The following RYR3 variants were observed in gnomAD, a reference collection of about 807,000 sequenced individuals.
RYR3 encodes ryanodine receptor 3.
RYR3 carries 207 observed loss-of-function variants against 584.3 expected under a neutral mutation model. The observed-to-expected ratio is 0.35, with a 90% CI of 0.32 to 0.40. The LOEUF (loss-of-function observed/expected upper bound fraction) is 0.40, where lower values mean the gene tolerates loss of function less well. Ranked by LOEUF, RYR3 falls within the 10% of genes least tolerant of loss-of-function variation. RYR3 has a pLI of 1.00. For synonymous variants in RYR3, 2,416 were observed against 2,248.5 expected (o/e 1.07, Z -2.11); for missense variants, 5,616 against 6,089.2 (o/e 0.92, Z 2.59).
At chr15:33,707,356 T>A (rs191210418) in intron 43 of RYR3, among the ~76,000 whole-genome samples, 42 of 152,206 alleles carry the variant, frequency 2.8e-4, no homozygotes, top group African/African-American at 9.1e-4. Context: ...GCCTTATGAA[T>A]ATCATCATTA....
chr15:33,834,790 G>A (rs910218987), intron 86 of RYR3, among the ~76,000 whole-genome samples, 178 bp from the exon 87 acceptor site: 1 of 152,178 alleles, frequency 6.6e-6, no homozygotes, highest in African/African-American at 2.4e-5. Context: ...CCTAGATATG[G>A]TATCCTATAA....
At chr15:33,677,595 C>CA in intron 38 of RYR3, among the ~76,000 whole-genome samples, 1 of 152,264 alleles carries the variant, frequency 6.6e-6, no homozygotes, top group East Asian at 1.9e-4. Flanking sequence ...GACTCTAGAG[C>CA]AGGACTGGCA....
At chr15:33,849,872 G>A (rs779927809) in intron 94 of RYR3, 4 of 152,146 alleles carry the variant, frequency 2.6e-5, no homozygotes, top group Non-Finnish European at 4.4e-5. Flanking sequence ...ATGTGAACAG[G>A]CACATCCTCA....
intron 1 of RYR3, among the ~76,000 whole-genome samples, chr15:33,347,990 T>C (rs1195347673): frequency 6.6e-6 from 1 of 152,102 alleles, no homozygotes; most frequent in Non-Finnish European, 1.5e-5. Flanking sequence ...CAAAGAAAGA[T>C]ATGTATGTAT....
intron 10 of RYR3, among the ~76,000 whole-genome samples, chr15:33,552,300 T>C (rs1362307201): frequency 6.6e-6 from 1 of 152,190 alleles, no homozygotes; most frequent in Non-Finnish European, 1.5e-5. Flanking sequence ...AGAGACCTTG[T>C]AACACTCCTT....
At chr15:33,334,844 A>C (rs891735621) in intron 1 of RYR3, among the ~76,000 whole-genome samples, 3 of 152,000 alleles carry the variant, frequency 2.0e-5, no homozygotes, top group Admixed American at 6.6e-5. Context: ...AAAAAAAAAA[A>C]CCCCATTAAA....
At chr15:33,426,868 G>A (rs547716560) in intron 1 of RYR3, among the ~76,000 whole-genome samples, 36 of 152,322 alleles carry the variant, frequency 2.4e-4, no homozygotes, top group East Asian at 1.5e-3. Context: ...CCTGTTCTGG[G>A]TTGCCGACTG....
intron 57 of RYR3, among the ~76,000 whole-genome samples, chr15:33,753,472 C>A (rs1017465940): frequency 6.6e-6 from 1 of 152,100 alleles, no homozygotes; most frequent in Non-Finnish European, 1.5e-5. Flanking sequence ...TGTTTTCTCC[C>A]TGGTCAAATG....
chr15:33,318,042 A>G (rs1047684008), intron 1 of RYR3, among the ~76,000 whole-genome samples: 2 of 152,250 alleles, frequency 1.3e-5, no homozygotes, highest in African/African-American at 2.4e-5. Context: ...AAATCAGATT[A>G]CAAAGAGATT....
At chr15:33,374,224 T>G (rs1238046879) in intron 1 of RYR3, among the ~76,000 whole-genome samples, 1 of 152,188 alleles carries the variant, frequency 6.6e-6, no homozygotes, top group Non-Finnish European at 1.5e-5. Flanking sequence ...CTCTGAGTAA[T>G]GGAGTATCAA....
At position 33,425,544 on chromosome 15, in the gene RYR3, C is replaced by A. The variant is rs1239483970; in HGVS notation, c.52-47875C>A. ...CAATAGGTAGCAATTCAGAAGTAAACACCAACAAAATAACCCTGTGTTGTC... is the reference window on the plus strand; with the variant it reads ...CAATAGGTAGCAATTCAGAAGTAAAAACCAACAAAATAACCCTGTGTTGTC... On this transcript the variant is annotated intron_variant, in intron 1 of 103. Transcript: ENST00000634891. 1.3e-5 allele frequency among the ~76,000 whole-genome samples: 2 copies of A among 152,066 alleles called. 1 individual carries two copies. Among genetic ancestry groups the A allele is most frequent in the South Asian group, 4.2e-4 (2 of 4,816 alleles).
chr15:33,602,792 C>T (rs1194297931), intron 17 of RYR3, among the ~76,000 whole-genome samples: 1 of 121,994 alleles, frequency 8.2e-6, no homozygotes, highest in Non-Finnish European at 1.6e-5. Context: ...GCTGCCCAGG[C>T]TGGAGTGCGG....
rs142108245 is a variant in RYR3 at position 33,841,994 on chromosome 15, A to G, written c.13168A>G (p.Asn4390Asp). 6.7e-4 allele frequency: 1,076 copies of G among 1,603,500 alleles called. 16 individuals carry two copies. The East Asian group carries it at 0.02, about 30-fold the overall frequency. ...KVEKPEAFTA[N>D]FFKGLEIYQT... ...TGAGAAGCCGGAAGCTTTCACAGCC[A>G]ATTTCTTTAAAGGGCTGGAAATCTA... Residue 4390 changes from asparagine (N) to aspartate (D), a missense_variant, in exon 91 of 104, where the codon AAT becomes GAT. Around this residue, in one of 9 missense-constraint regions of RYR3, gnomAD observed 918 missense variants for 887.4 expected, o/e 1.03. Coordinates refer to ENST00000634891, the MANE Select transcript of RYR3 (RefSeq NM_001036.6).
chr15:33,704,923 G>T (rs1413657820), intron 42 of RYR3, among the ~76,000 whole-genome samples: 1 of 152,140 alleles, frequency 6.6e-6, no homozygotes, highest in African/African-American at 2.4e-5. Flanking sequence ...ACTTTATTCA[G>T]CCCAATGTCA....
At chr15:33,702,388 C>T (rs544911729) in intron 42 of RYR3, among the ~76,000 whole-genome samples, 93 of 152,340 alleles carry the variant, frequency 6.1e-4, no homozygotes, top group African/African-American at 2.1e-3. Flanking sequence ...AAGCCCAAGA[C>T]TGTGCTGGCT....
intron 1 of RYR3, among the ~76,000 whole-genome samples, chr15:33,391,393 C>T (rs1004296597): frequency 1.3e-5 from 2 of 151,974 alleles, no homozygotes; most frequent in African/African-American, 4.8e-5. Context: ...TTTGGGAGGC[C>T]GAGGTGGGTG....
At chr15:33,627,986 CA>C (rs2061078001) in intron 20 of RYR3, among the ~76,000 whole-genome samples, 1 of 151,220 alleles carries the variant, frequency 6.6e-6, no homozygotes, top group Admixed American at 6.6e-5. Context: ...GGCCATGCAA[CA>C]AAAAGCAAAA....
intron 2 of RYR3, among the ~76,000 whole-genome samples, chr15:33,488,449 C>CTTTTTTTTTTT (rs72098093): frequency 8.6e-5 from 11 of 127,502 alleles, no homozygotes; most frequent in Non-Finnish European, 9.9e-5. Context: ...ACAGTCTTGC[C>CTTTTTTTTTTT]TTTTTTTTTT....
rs537447941 is a variant in RYR3, at chr15:33,592,798, A to G, written c.1788+6682A>G. On this transcript the variant is annotated intron_variant, in intron 16 of 103. Transcript: ENST00000634891. ...TTCAAAGAACCTGTGAACCCAGAAA[A>G]TCTGAGACAGGTCTTAGTTAATTTG... is the stretch of plus-strand genomic sequence containing the variant. Among the ~76,000 whole-genome samples, 7 of 152,296 alleles carry G rather than the reference A, an allele frequency of 4.6e-5. No individual in the cohort carries two copies. The East Asian group carries it at 1.2e-3, about 25-fold the overall frequency.
Sources: allele counts gnomAD v4.1 joint callset (sites outside exome capture counted in the v4.1 genomes callset), GRCh38; gene constraint gnomAD v4.1.1; regional missense constraint gnomAD v4.1.1; transcripts MANE v1.5; gene names NCBI Gene and HGNC (gene_info 2026-07-23, HGNC 2026-07-21).